Variants in EYS observed in about 807,000 individuals in gnomAD.
The protein encoded by EYS is protein eyes shut homolog.
A neutral mutation model predicts 282.1 loss-of-function variants in EYS; 250 were observed. That is an observed-to-expected ratio of 0.89 (90% CI 0.80 to 0.98). EYS has a LOEUF of 0.98. Ranked by LOEUF, EYS falls within the 50% of genes least tolerant of loss-of-function variation. EYS has a pLI of 0.00. For synonymous variants in EYS, 1,355 were observed against 1,282.9 expected (o/e 1.06, Z -1.20); for missense variants, 4,016 against 3,709.0 (o/e 1.08, Z -2.15).
intron 36 of EYS, among the ~76,000 whole-genome samples, chr6:63,828,367 C>T (rs539024471): frequency 3.4e-4 from 46 of 134,566 alleles, no homozygotes; most frequent in Non-Finnish European, 6.3e-4. Flanking sequence ...TCCAAATAAC[C>T]TCACGAAGAA....
chr6:65,060,044 C>T (rs948948755), intron 12 of EYS, among the ~76,000 whole-genome samples: 4 of 151,918 alleles, frequency 2.6e-5, no homozygotes, highest in African/African-American at 9.7e-5. Context: ...GAATGTCACA[C>T]TGCCATGAGC....
intron 13 of EYS, among the ~76,000 whole-genome samples, chr6:65,050,477 C>T (rs1773238712): frequency 6.6e-6 from 1 of 151,542 alleles, no homozygotes; most frequent in African/African-American, 2.4e-5. Context: ...TATTTGACCA[C>T]TCCTCCAAAA....
intron 22 of EYS, among the ~76,000 whole-genome samples, chr6:64,632,529 CA>C (rs140087190): frequency 0.11 from 16,291 of 152,172 alleles, 1,047 homozygotes; most frequent in East Asian, 0.15. Context: ...TAAACCAAAC[CA>C]AACCAAACCA....
intron 33 of EYS, among the ~76,000 whole-genome samples, chr6:64,038,580 T>C (rs1770235230): frequency 6.6e-6 from 1 of 152,006 alleles, no homozygotes; most frequent in African/African-American, 2.4e-5. Context: ...ATATACTTTA[T>C]ATATCCTAAT....
At chr6:64,320,011 A>AT (rs1770147832) in intron 29 of EYS, among the ~76,000 whole-genome samples, 1 of 151,820 alleles carries the variant, frequency 6.6e-6, no homozygotes, top group South Asian at 2.1e-4. Flanking sequence ...CCCTTAGGTT[A>AT]TTTTTTGGCC....
chr6:63,833,017 GC>G (rs1481769746), intron 36 of EYS, among the ~76,000 whole-genome samples: 3 of 151,928 alleles, frequency 2.0e-5, no homozygotes, highest in Admixed American at 2.0e-4. Flanking sequence ...AATTCAGCAG[GC>G]CTTCATGCTA....
At chr6:65,345,637 A>C (rs1172017897) in intron 9 of EYS, among the ~76,000 whole-genome samples, 1 of 151,822 alleles carries the variant, frequency 6.6e-6, no homozygotes, top group Non-Finnish European at 1.5e-5. Flanking sequence ...TATCCATTTC[A>C]TTTAAATTGT....
chr6:63,862,428 A>AG (rs1772558698), intron 36 of EYS, among the ~76,000 whole-genome samples: 1 of 152,062 alleles, frequency 6.6e-6, no homozygotes, highest in African/African-American at 2.4e-5. Context: ...TTTTTAAAAA[A>AG]AAAAATTTAC....
chr6:64,125,147 A>ACTCTCTCTCT (rs747610398), intron 31 of EYS, among the ~76,000 whole-genome samples: 31 of 147,236 alleles, frequency 2.1e-4, no homozygotes, highest in South Asian at 1.3e-3. Flanking sequence ...ACACACACAC[A>ACTCTCTCTCT]CTCTCTGTCT....
At chr6:64,709,451 T>C (rs1393054804) in intron 22 of EYS, among the ~76,000 whole-genome samples, 6 of 152,176 alleles carry the variant, frequency 3.9e-5, no homozygotes, top group Non-Finnish European at 7.4e-5. Context: ...CTTTATATTC[T>C]TTTGTACATC....
intron 15 of EYS, among the ~76,000 whole-genome samples, chr6:64,939,992 G>A (rs1769035393): frequency 6.6e-6 from 1 of 151,980 alleles, no homozygotes. Flanking sequence ...GCTAATATAA[G>A]TAATTGCTAC....
chr6:63,784,463 T>C (rs1311769555), intron 39 of EYS, among the ~76,000 whole-genome samples: 2 of 152,120 alleles, frequency 1.3e-5, no homozygotes, highest in Non-Finnish European at 2.9e-5. Context: ...GGGTAATTTA[T>C]AAAGAAAAGA....
At chr6:64,443,371 GC>G (rs1450263704) in intron 26 of EYS, among the ~76,000 whole-genome samples, 1 of 152,182 alleles carries the variant, frequency 6.6e-6, no homozygotes. Flanking sequence ...GGAGGGACTT[GC>G]CTTGTCTCAG....
At position 63,879,708 on chromosome 6, in the gene EYS, T is replaced by C. The variant is rs570191542; in HGVS notation, c.7056-15350A>G. ...GGAATAGTTGTGAAGATGAAAACTA[T>C]GTCCATGAAGGAAAGCTGACTGAGT... On this transcript the variant is annotated intron_variant, in intron 35 of 42. Coordinates refer to ENST00000503581, the MANE Select transcript of EYS (RefSeq NM_001142800.2). Among the ~76,000 whole-genome samples the C allele has an allele frequency of 1.2e-4, 18 of 152,200 alleles. No homozygotes were observed. In the South Asian group the frequency reaches 3.3e-3, roughly 28 times the overall value.
intron 1 of EYS, among the ~76,000 whole-genome samples, chr6:65,648,314 A>ATATGTGTGTGTGTGTGTGTGTGTGTG (rs373479571): frequency 1.4e-5 from 2 of 147,894 alleles, no homozygotes; most frequent in South Asian, 2.2e-4. Context: ...AAGAAAATAT[A>ATATGTGTGTGTGTGTGTGTGTGTGTG]TGTGTGTGTG....
chr6:64,026,805 G>A (rs1769538157), intron 33 of EYS, among the ~76,000 whole-genome samples: 1 of 152,086 alleles, frequency 6.6e-6, no homozygotes, highest in African/African-American at 2.4e-5. Flanking sequence ...TAGGCTATCG[G>A]TTATGTCCCC....
chr6:64,050,561 C>T (rs1340850818), intron 33 of EYS, among the ~76,000 whole-genome samples: 1 of 152,168 alleles, frequency 6.6e-6, no homozygotes, highest in African/African-American at 2.4e-5. Context: ...GTTAAACTCT[C>T]ACCCTGGCTC....
At chr6:63,834,677 T>C (rs1373904786) in intron 36 of EYS, among the ~76,000 whole-genome samples, 1 of 151,136 alleles carries the variant, frequency 6.6e-6, no homozygotes, top group Non-Finnish European at 1.5e-5. Context: ...AGAAATACCA[T>C]TTGACCCAGC....
intron 5 of EYS, among the ~76,000 whole-genome samples, chr6:65,470,448 T>A (rs554387745): frequency 6.6e-6 from 1 of 152,254 alleles, no homozygotes; most frequent in East Asian, 1.9e-4. Context: ...TTAGATTGGT[T>A]TTAAAATTTA....
Sources: gnomAD v4.1 joint callset for allele counts (sites outside exome capture counted in the v4.1 genomes callset) on GRCh38, gnomAD v4.1.1 for gene constraint, MANE v1.5 for transcripts, NCBI Gene and HGNC (gene_info 2026-07-23, HGNC 2026-07-21) for gene names.